The following RTTN variants were observed in gnomAD, a reference collection of about 807,000 sequenced individuals.
RTTN encodes rotatin.
RTTN carries 182 observed loss-of-function variants against 269.2 expected under a neutral mutation model. That is an observed-to-expected ratio of 0.68 (90% confidence interval 0.60 to 0.76). The LOEUF is 0.76. Ranked by LOEUF, RTTN falls within the 30% of genes least tolerant of loss-of-function variation. The pLI, the probability that RTTN is intolerant of heterozygous loss-of-function variation, is 0.00. For synonymous variants in RTTN, 1,006 were observed against 963.5 expected (o/e 1.04, Z -0.82); for missense variants, 2,545 against 2,608.6 (o/e 0.98, Z 0.53).
chr18:70,096,129 T>G (rs1467462066), intron 28 of RTTN, among the ~76,000 whole-genome samples: 3 of 152,184 alleles, frequency 2.0e-5, no homozygotes, highest in Non-Finnish European at 4.4e-5. Flanking sequence ...GTTCTGGTGC[T>G]GTTTTTTTCA....
At chr18:70,133,450 T>C (rs1342285389) in intron 23 of RTTN, among the ~76,000 whole-genome samples, 4 of 152,164 alleles carry the variant, frequency 2.6e-5, no homozygotes, top group Non-Finnish European at 5.9e-5. Flanking sequence ...TTAGCAGTCA[T>C]TTCTTCATAA....
At chr18:70,032,238 TC>T (rs1475105466) in intron 40 of RTTN, among the ~76,000 whole-genome samples, 1 of 152,146 alleles carries the variant, frequency 6.6e-6, no homozygotes, top group Non-Finnish European at 1.5e-5. Context: ...CACCCTTTGG[TC>T]TGCTGGCTTC....
chr18:70,154,337 A>G (rs575402549), intron 14 of RTTN, among the ~76,000 whole-genome samples: 1 of 152,258 alleles, frequency 6.6e-6, no homozygotes, highest in African/African-American at 2.4e-5. Context: ...CAAAATGATC[A>G]TATACATCAA....
chr18:70,050,434 G>A (rs1343529689), intron 39 of RTTN, among the ~76,000 whole-genome samples: 1 of 152,194 alleles, frequency 6.6e-6, no homozygotes, highest in Non-Finnish European at 1.5e-5. Context: ...AGATGCTGGC[G>A]AGGATGTGGA....
Position 70,017,753 on chromosome 18 carries a change from A to C in RTTN, c.6154-79T>G, listed in dbSNP as rs189749809. 4.0e-4 allele frequency: 458 copies of C among 1,131,542 alleles called. 1 individual carries two copies. In the East Asian group the frequency reaches 0.011, roughly 27 times the overall value. 70.1% of individuals were successfully genotyped at this position (1,131,542 alleles called of 1,614,324 possible). A position where few individuals can be genotyped will look rare whatever the true frequency, so the allele number is the denominator to read the frequency against. ...CTAGTCCCTTGGTGACCAATTAACT[A>C]ACATTCTGATATACTCTCCCTCTAC... On this transcript the variant is annotated intron_variant, in intron 45 of 48. Coordinates refer to ENST00000640769, the MANE Select transcript of RTTN (RefSeq NM_173630.4).
chr18:70,135,999 A>G (rs905456190), intron 21 of RTTN, among the ~76,000 whole-genome samples: 1 of 152,212 alleles, frequency 6.6e-6, no homozygotes, highest in South Asian at 2.1e-4. Flanking sequence ...GAATAACAAC[A>G]TAATACACAG....
At chr18:70,162,886 GAAAAAAAA>G (rs5825997) in intron 14 of RTTN, among the ~76,000 whole-genome samples, 1 of 50,196 alleles carries the variant, frequency 2.0e-5, no homozygotes, top group Non-Finnish European at 3.6e-5. Context: ...AATAAAAGTT[GAAAAAAAA>G]AAAAAAAAAA....
chr18:70,107,803 T>A (rs577356636), intron 28 of RTTN, among the ~76,000 whole-genome samples: 1 of 152,300 alleles, frequency 6.6e-6, no homozygotes, highest in Admixed American at 6.5e-5. Flanking sequence ...ATGTCTGCAA[T>A]GAAAGGGGAC....
intron 24 of RTTN, 101 bp downstream of exon 24, chr18:70,128,257 C>A: frequency 5.7e-6 from 5 of 873,512 alleles, no homozygotes; most frequent in Non-Finnish European, 3.5e-6. Flanking sequence ...TCAGATGATA[C>A]CAAGGGAAAA....
chr18:70,145,118 C>G (rs2060355348), intron 18 of RTTN, among the ~76,000 whole-genome samples: 1 of 152,160 alleles, frequency 6.6e-6, no homozygotes. Context: ...GTATTGTGAG[C>G]TAGGTGTGTG....
At chr18:70,162,766 C>T (rs1377633034) in intron 14 of RTTN, among the ~76,000 whole-genome samples, 1 of 151,118 alleles carries the variant, frequency 6.6e-6, no homozygotes, top group Non-Finnish European at 1.5e-5. Context: ...AAAAAACTAC[C>T]TATTGGGTAC....
intron 43 of RTTN, among the ~76,000 whole-genome samples, chr18:70,027,652 TACTG>T (rs2056892239): frequency 6.6e-6 from 1 of 152,194 alleles, no homozygotes; most frequent in South Asian, 2.1e-4. Flanking sequence ...TACACACAAA[TACTG>T]ACTGTACATC....
intron 26 of RTTN, among the ~76,000 whole-genome samples, chr18:70,120,611 C>G (rs2059711709): frequency 1.3e-5 from 2 of 152,004 alleles, no homozygotes; most frequent in South Asian, 4.2e-4. Flanking sequence ...TTTATCTTAG[C>G]TAAGTTGAGT....
At chr18:70,050,171 C>A (rs1227151826) in intron 39 of RTTN, among the ~76,000 whole-genome samples, 1 of 152,056 alleles carries the variant, frequency 6.6e-6, no homozygotes, top group Non-Finnish European at 1.5e-5. Flanking sequence ...TGTAATCTAT[C>A]CATCTGACAA....
At chr18:70,067,967 C>T (rs2058189241) in intron 34 of RTTN, among the ~76,000 whole-genome samples, 1 of 152,340 alleles carries the variant, frequency 6.6e-6, no homozygotes, top group Admixed American at 6.5e-5. Context: ...TGTATTATAA[C>T]TTACCCCATG....
chr18:70,156,029 T>G (rs891178610), intron 14 of RTTN, among the ~76,000 whole-genome samples: 1 of 152,190 alleles, frequency 6.6e-6, no homozygotes, highest in Admixed American at 6.5e-5. Flanking sequence ...CTGCACAAAT[T>G]GTAGAGCATG....
chr18:70,013,369 CTGTG>C (rs935685684), intron 46 of RTTN, among the ~76,000 whole-genome samples: 23 of 149,668 alleles, frequency 1.5e-4, no homozygotes, highest in Admixed American at 7.3e-4. Context: ...TAATAAAGTA[CTGTG>C]TGTGTATGTA....
rs761906249 is a variant in RTTN at position 70,059,859 on chromosome 18, A to C, written c.4931T>G (p.Leu1644Arg). The change falls in exon 36 of 49, where the codon CTT (leucine) becomes CGT (arginine). Residue 1644 changes from leucine to arginine, a missense_variant. Leu to Arg is a moderately radical substitution (Grantham distance 102). Coordinates refer to ENST00000640769, the MANE Select transcript of RTTN (RefSeq NM_173630.4). Reference protein sequence around the residue: ...KAFRQAHLIELLCSIADATLI... With the variant: ...KAFRQAHLIERLCSIADATLI... ...AGTATTTATCTCTTACCTACAGAGA[A>C]GTTCTATGAGATGAGCTTGTCGAAA... is the stretch of plus-strand genomic sequence containing the variant. 6.2e-7 allele frequency: 1 copy of C among 1,600,368 alleles called. No homozygotes were observed. Among genetic ancestry groups the C allele is most frequent in the Non-Finnish European group, 8.5e-7 (1 of 1,173,000 alleles).
chr18:70,057,834 T>C lies in RTTN; in HGVS notation c.4941-2A>G. On this transcript the variant is annotated splice_acceptor_variant, in intron 36 of 48. Transcript: ENST00000640769. LOFTEE classifies it high-confidence loss of function. ...TGTATGAGGGTAGCATCTGCAATGCTGTGACGATCAGAAAAAGAAAATCCT... is the reference window on the plus strand; with the variant it reads ...TGTATGAGGGTAGCATCTGCAATGCCGTGACGATCAGAAAAAGAAAATCCT... 3 of 1,609,458 alleles carry C rather than the reference T, an allele frequency of 1.9e-6. No individual in the cohort carries two copies. The highest frequency in any genetic ancestry group is 2.5e-6 in the Non-Finnish European group (3 of 1,176,506).
Sources: allele counts gnomAD v4.1 joint callset (sites outside exome capture counted in the v4.1 genomes callset), GRCh38; gene constraint gnomAD v4.1.1; transcripts MANE v1.5; gene names NCBI Gene and HGNC (gene_info 2026-07-23, HGNC 2026-07-21).